Variants in TMEM131 observed in about 807,000 individuals in gnomAD.
TMEM131 encodes transmembrane protein 131, also known as 2610524E03Rik.
A neutral mutation model predicts 211.6 loss-of-function variants in TMEM131; 66 were observed. The ratio of observed to expected loss-of-function variants is 0.31; its 90% confidence interval spans 0.26 to 0.38. The LOEUF is 0.38. Among genes scored for constraint, TMEM131 ranks in the 10% least tolerant of loss-of-function variants. TMEM131 has a pLI of 1.00. For missense variants in TMEM131, 2,036 were observed against 2,299.3 expected, an observed-to-expected ratio of 0.89 and a Z score of 2.34; for synonymous variants, 844 against 841.3, an observed-to-expected ratio of 1.00 and a Z score of -0.06.
At chr2:97,863,178 T>C (rs2105191485) in intron 4 of TMEM131, among the ~76,000 whole-genome samples, 1 of 152,270 alleles carries the variant, frequency 6.6e-6, no homozygotes, top group East Asian at 1.9e-4. Context: ...AGCGAAAATA[T>C]CCTTCAAATA....
At chr2:97,935,307 T>C (rs576430067) in intron 1 of TMEM131, among the ~76,000 whole-genome samples, 10 of 152,254 alleles carry the variant, frequency 6.6e-5, no homozygotes, top group East Asian at 1.9e-4. Flanking sequence ...GGTTGTGACT[T>C]TGTAGTATTC....
At chr2:97,829,846 TCAA>T (rs1682579772) in intron 11 of TMEM131, among the ~76,000 whole-genome samples, 1 of 152,104 alleles carries the variant, frequency 6.6e-6, no homozygotes, top group Non-Finnish European at 1.5e-5. Context: ...TGGGAGTTCA[TCAA>T]CAACAAGCAC....
intron 1 of TMEM131, among the ~76,000 whole-genome samples, chr2:97,950,319 G>A (rs954730513): frequency 7.2e-5 from 11 of 152,146 alleles, no homozygotes; most frequent in African/African-American, 2.2e-4. Context: ...GATTTAAAAA[G>A]CTACGTACCT....
chr2:97,905,836 G>A (rs968354917), intron 3 of TMEM131, among the ~76,000 whole-genome samples: 3 of 152,068 alleles, frequency 2.0e-5, no homozygotes, highest in African/African-American at 4.8e-5. Context: ...GGATGCCACC[G>A]GCCCTCCTCA....
intron 4 of TMEM131, among the ~76,000 whole-genome samples, chr2:97,881,674 G>A (rs1674935981): frequency 7.5e-6 from 1 of 133,370 alleles, no homozygotes; most frequent in Non-Finnish European, 1.5e-5. Context: ...CTGAGCTAGG[G>A]ACAGGGTGCC....
At chr2:97,939,218 C>A (rs1172565986) in intron 1 of TMEM131, among the ~76,000 whole-genome samples, 2 of 152,034 alleles carry the variant, frequency 1.3e-5, no homozygotes, top group Non-Finnish European at 2.9e-5. Flanking sequence ...AAAAACCCTT[C>A]AAAAAATCAA....
At chr2:97,791,124 TC>T (rs1680481971) in intron 31 of TMEM131, among the ~76,000 whole-genome samples, 1 of 152,312 alleles carries the variant, frequency 6.6e-6, no homozygotes, top group African/African-American at 2.4e-5. Flanking sequence ...GCAAAAAAGC[TC>T]AGGCTGTGAA....
At chr2:97,841,549 C>A (rs189317197) in intron 7 of TMEM131, among the ~76,000 whole-genome samples, 9 of 152,246 alleles carry the variant, frequency 5.9e-5, no homozygotes, top group African/African-American at 1.9e-4. Context: ...TGCAGAGCTG[C>A]CTAAACTATA....
intron 7 of TMEM131, among the ~76,000 whole-genome samples, chr2:97,837,994 T>C (rs2105081385): frequency 6.6e-6 from 1 of 152,342 alleles, no homozygotes; most frequent in East Asian, 1.9e-4. Context: ...TATACTCTTG[T>C]GTCTGGCTTC....
At chr2:97,827,198 G>C (rs1471486766) in intron 11 of TMEM131, 6 of 681,768 alleles carry the variant, frequency 8.8e-6, no homozygotes, top group Non-Finnish European at 1.6e-5. Context: ...GAAGGCTCTT[G>C]GCGCGCCGCG....
At chr2:97,883,762 CTTT>C (rs1462307387) in intron 4 of TMEM131, among the ~76,000 whole-genome samples, 1 of 150,868 alleles carries the variant, frequency 6.6e-6, no homozygotes, top group Non-Finnish European at 1.5e-5. Context: ...TTTTGATGTT[CTTT>C]ATTATAAAAT....
chr2:97,870,193 T>C (rs572991348), intron 4 of TMEM131, among the ~76,000 whole-genome samples: 3 of 152,294 alleles, frequency 2.0e-5, no homozygotes, highest in African/African-American at 7.2e-5. Flanking sequence ...GGGCCTTAGT[T>C]ACAGTTTCAA....
chr2:97,816,700 G>C (rs901260632), intron 12 of TMEM131, among the ~76,000 whole-genome samples: 1 of 152,058 alleles, frequency 6.6e-6, no homozygotes, highest in African/African-American at 2.4e-5. Flanking sequence ...TATTTGTTCT[G>C]ACGTAAGACT....
At chr2:97,938,744 C>T (rs1200509383) in intron 1 of TMEM131, among the ~76,000 whole-genome samples, 5 of 152,198 alleles carry the variant, frequency 3.3e-5, no homozygotes, top group South Asian at 2.1e-4. Context: ...AGCACCACAT[C>T]GCACTTATTC....
chr2:97,833,835 AT>A (rs1394908602), intron 10 of TMEM131, among the ~76,000 whole-genome samples: 1 of 151,658 alleles, frequency 6.6e-6, no homozygotes, highest in Admixed American at 6.6e-5. Flanking sequence ...CTTTTGTATT[AT>A]TTTTTTAGTA....
At chr2:97,971,340 T>C (rs1679285163) in intron 1 of TMEM131, among the ~76,000 whole-genome samples, 1 of 151,926 alleles carries the variant, frequency 6.6e-6, no homozygotes, top group Non-Finnish European at 1.5e-5. Flanking sequence ...ACAAAGAACA[T>C]AAGGCATTAG....
Position 97,834,672 on chromosome 2 carries a change from C to G in TMEM131, c.961G>C (p.Gly321Arg). ...PVEVEVTTAP[G>R]IYSSTEMLDF... ...AACATTTCAGTTGAGGAATAAATTC[C>G]AGGAGCTTGGAAAAAAGAAAAGTCA... The change falls in exon 10 of 41, where the codon GGA becomes CGA. Residue 321 changes from glycine (G) to arginine (R), a missense_variant. By Grantham distance (125) the Gly-to-Arg change is moderately radical. This residue lies in a region of TMEM131 where 277 missense variants were observed against 378.0 expected (regional missense o/e 0.73). Transcript: ENST00000186436. 6.3e-7 allele frequency: 1 copy of G among 1,588,340 alleles called. No individual in the cohort carries two copies. The highest frequency in any genetic ancestry group is 8.6e-7 in the Non-Finnish European group (1 of 1,168,848).
At chr2:97,844,648 A>G (rs1683343143) in intron 5 of TMEM131, among the ~76,000 whole-genome samples, 1 of 152,204 alleles carries the variant, frequency 6.6e-6, no homozygotes, top group Non-Finnish European at 1.5e-5. Context: ...CCAAAGAATA[A>G]GCCCAGGCCT....
chr2:97,770,230 C>T (rs988936795), intron 33 of TMEM131, among the ~76,000 whole-genome samples: 5 of 151,952 alleles, frequency 3.3e-5, no homozygotes, highest in African/African-American at 7.3e-5. Flanking sequence ...CAACCTTCTC[C>T]GGTTATTAAA....
Sources: allele counts gnomAD v4.1 joint callset (sites outside exome capture counted in the v4.1 genomes callset), GRCh38; gene constraint gnomAD v4.1.1; regional missense constraint gnomAD v4.1.1; transcripts MANE v1.5; gene names NCBI Gene and HGNC (gene_info 2026-07-23, HGNC 2026-07-21).